The following RBFOX1 variants were observed in gnomAD, a reference collection of about 807,000 sequenced individuals.
RBFOX1 encodes the protein RNA binding protein fox-1 homolog 1.
RBFOX1 carries 8 observed loss-of-function variants against 57.7 expected under a neutral mutation model. The observed-to-expected ratio is 0.14, with a 90% CI of 0.08 to 0.25. The LOEUF (loss-of-function observed/expected upper bound fraction) is 0.25. Ranked by LOEUF, RBFOX1 falls within the 10% of genes least tolerant of loss-of-function variation. The pLI is 1.00. For missense variants in RBFOX1, 611 were observed against 548.5 expected, an observed-to-expected ratio of 1.11 and a Z score of -1.14; for synonymous variants, 326 against 222.4, an observed-to-expected ratio of 1.47 and a Z score of -4.15.
At chr16:7,362,517 T>C (rs199620165) in intron 4 of RBFOX1, among the ~76,000 whole-genome samples, 2 of 151,484 alleles carry the variant, frequency 1.3e-5, no homozygotes, top group African/African-American at 2.4e-5. Context: ...GTTTTTTGTG[T>C]GTTTACATGT....
chr16:6,679,850 C>T (rs1240828537), intron 3 of RBFOX1, among the ~76,000 whole-genome samples: 2 of 145,430 alleles, frequency 1.4e-5, no homozygotes, highest in African/African-American at 2.6e-5. Context: ...ACACTGGGAC[C>T]TTCTACATAA....
chr16:6,214,744 A>AGG (rs2097322817), intron 1 of RBFOX1, among the ~76,000 whole-genome samples: 1 of 102,380 alleles, frequency 9.8e-6, no homozygotes, highest in African/African-American at 3.9e-5. Context: ...GGAGAGGGAG[A>AGG]AGGAGAAGGG....
chr16:5,730,682 A>G (rs901914047), intron 3 of RBFOX1, among the ~76,000 whole-genome samples: 5 of 151,636 alleles, frequency 3.3e-5, no homozygotes, highest in East Asian at 1.9e-4. Context: ...GTTGTCACCA[A>G]TGTCACCACC....
At chr16:6,810,679 C>G (rs2088289842) in intron 3 of RBFOX1, among the ~76,000 whole-genome samples, 1 of 151,992 alleles carries the variant, frequency 6.6e-6, no homozygotes, top group Non-Finnish European at 1.5e-5. Context: ...CTGGGAAGTC[C>G]TCTGGAAACG....
intron 2 of RBFOX1, among the ~76,000 whole-genome samples, chr16:5,515,385 G>T (rs2043754491): frequency 6.6e-6 from 1 of 152,230 alleles, no homozygotes; most frequent in African/African-American, 2.4e-5. Flanking sequence ...TACAGGAAAG[G>T]AACCCAGCTT....
At chr16:7,034,640 C>T (rs1350703235) in intron 3 of RBFOX1, among the ~76,000 whole-genome samples, 1 of 151,692 alleles carries the variant, frequency 6.6e-6, no homozygotes, top group Non-Finnish European at 1.5e-5. Flanking sequence ...GAAGACACAT[C>T]AGTGAGGCTA....
chr16:5,282,147 A>G (rs1230795389), intron 1 of RBFOX1, among the ~76,000 whole-genome samples: 1 of 152,146 alleles, frequency 6.6e-6, no homozygotes, highest in Admixed American at 6.5e-5. Flanking sequence ...TTTTAAAAGG[A>G]GGAGTTTCCC....
chr16:5,941,225 C>T (rs747091146), intron 4 of RBFOX1, among the ~76,000 whole-genome samples: 3 of 151,962 alleles, frequency 2.0e-5, no homozygotes, highest in African/African-American at 4.8e-5. Context: ...AGTGATTGCT[C>T]ATGTTTGTAA....
At chr16:7,377,573 T>A (rs1000132267) in intron 4 of RBFOX1, among the ~76,000 whole-genome samples, 9 of 152,084 alleles carry the variant, frequency 5.9e-5, no homozygotes, top group African/African-American at 2.2e-4. Flanking sequence ...CAGGAAAAAA[T>A]GTTTTAGATT....
intron 4 of RBFOX1, among the ~76,000 whole-genome samples, chr16:5,938,310 G>T (rs1375186627): frequency 6.6e-6 from 1 of 152,148 alleles, no homozygotes; most frequent in Non-Finnish European, 1.5e-5. Flanking sequence ...TCTGGAGCCA[G>T]TTCTCCTCCA....
intron 4 of RBFOX1, among the ~76,000 whole-genome samples, chr16:7,329,664 A>T (rs1413625671): frequency 6.6e-6 from 1 of 152,258 alleles, no homozygotes; most frequent in Admixed American, 6.5e-5. Context: ...AATAATATAT[A>T]AATACAAAAT....
intron 1 of RBFOX1, among the ~76,000 whole-genome samples, chr16:6,214,597 G>A (rs2097320423): frequency 8.1e-6 from 1 of 122,960 alleles, no homozygotes; most frequent in African/African-American, 3.2e-5. Flanking sequence ...GAAGGAGGGA[G>A]AAGGTGAGAG....
chr16:5,683,392 A>G (rs114377090), intron 3 of RBFOX1, among the ~76,000 whole-genome samples: 2,980 of 151,860 alleles, frequency 0.02, 90 homozygotes, highest in African/African-American at 0.068. Flanking sequence ...GATTGGATTG[A>G]GGCATACAAA....
At chr16:6,055,460 G>T (rs1015584106) in intron 1 of RBFOX1, among the ~76,000 whole-genome samples, 2 of 151,862 alleles carry the variant, frequency 1.3e-5, no homozygotes, top group Non-Finnish European at 2.9e-5. Context: ...AGGTGTTGTG[G>T]TGCGTGCCTT....
chr16:6,446,273 G>A (rs1054107126), intron 2 of RBFOX1, among the ~76,000 whole-genome samples: 1 of 152,172 alleles, frequency 6.6e-6, no homozygotes, highest in Admixed American at 6.5e-5. Flanking sequence ...AAAGTGCTGG[G>A]ATGACAGGCG....
chr16:5,852,607 C>G (rs577568345), intron 3 of RBFOX1, among the ~76,000 whole-genome samples: 1 of 152,124 alleles, frequency 6.6e-6, no homozygotes, highest in Non-Finnish European at 1.5e-5. Context: ...GAGTCCTGAT[C>G]AACCAATGCT....
At chr16:6,682,700 A>C (rs963986613) in intron 3 of RBFOX1, among the ~76,000 whole-genome samples, 30 of 151,964 alleles carry the variant, frequency 2.0e-4, no homozygotes, top group African/African-American at 6.8e-4. Context: ...CCGGCGCGCA[A>C]AATTGCCCCC....
intron 1 of RBFOX1, among the ~76,000 whole-genome samples, chr16:6,054,841 G>C (rs1332285823): frequency 6.6e-6 from 1 of 152,026 alleles, no homozygotes; most frequent in Non-Finnish European, 1.5e-5. Context: ...GGAGTGCAGT[G>C]ACACAATCTT....
chr16:7,658,440 A>C (rs2066868173), intron 12 of RBFOX1, among the ~76,000 whole-genome samples: 3 of 151,890 alleles, frequency 2.0e-5, no homozygotes, highest in African/African-American at 7.3e-5. Flanking sequence ...TTGATCCTGG[A>C]CTCAATTTGA....
Sources: gnomAD v4.1 joint callset for allele counts (sites outside exome capture counted in the v4.1 genomes callset) on GRCh38, gnomAD v4.1.1 for gene constraint, MANE v1.5 for transcripts, NCBI Gene and HGNC (gene_info 2026-07-23, HGNC 2026-07-21) for gene names.